The following KHDRBS3 variants were observed in gnomAD, a reference collection of about 807,000 sequenced individuals.
KHDRBS3 encodes KH domain-containing, RNA-binding, signal transduction-associated protein 3.
Under a neutral mutation model 45.6 loss-of-function variants are expected in KHDRBS3, and 23 were observed. The ratio of observed to expected loss-of-function variants is 0.50; its 90% CI spans 0.36 to 0.72. The LOEUF is 0.72. KHDRBS3 is among the 30% of genes least tolerant of loss of function. The probability of loss-of-function intolerance (pLI) is 0.00; values close to 1 mark genes in which losing one functional copy is unlikely to be tolerated. For missense variants in KHDRBS3, 352 were observed against 424.8 expected, an observed-to-expected ratio of 0.83 and a Z score of 1.51; for synonymous variants, 162 against 156.5, an observed-to-expected ratio of 1.04 and a Z score of -0.26.
At chr8:135,656,416 A>G (rs1316854284) in exon 5 of KHDRBS3, 1 of 152,210 alleles carries the variant, frequency 6.6e-6, no homozygotes, top group East Asian at 1.9e-4. Context: ...TAAAAAACGG[A>G]AAGAAAATCT....
chr8:135,571,138 C>T (rs1435478997), intron 5 of KHDRBS3, among the ~76,000 whole-genome samples: 4 of 152,134 alleles, frequency 2.6e-5, no homozygotes, highest in Admixed American at 2.6e-4. Flanking sequence ...TTACATGTCC[C>T]GTGCAACATA....
chr8:135,469,379 G>A (rs924777717), intron 1 of KHDRBS3, among the ~76,000 whole-genome samples: 3 of 152,130 alleles, frequency 2.0e-5, no homozygotes, highest in African/African-American at 7.2e-5. Flanking sequence ...CCGCCTCCCA[G>A]GTTCACGCCA....
intron 6 of KHDRBS3, among the ~76,000 whole-genome samples, chr8:135,589,258 A>G (rs1288701261): frequency 6.6e-6 from 1 of 152,160 alleles, no homozygotes; most frequent in Non-Finnish European, 1.5e-5. Flanking sequence ...TGTATTCTTC[A>G]TACTACTTCC....
intron 2 of KHDRBS3, 89 bp from the exon 3 acceptor site, chr8:135,542,565 G>A: frequency 2.5e-6 from 2 of 809,930 alleles, no homozygotes; most frequent in Non-Finnish European, 4.3e-6. Context: ...TCAATGATGT[G>A]TAGCACACTA....
At chr8:135,477,847 A>G (rs73712038) in intron 1 of KHDRBS3, among the ~76,000 whole-genome samples, 1,913 of 152,306 alleles carry the variant, frequency 0.013, 34 homozygotes, top group African/African-American at 0.044. Context: ...TAAGCCATGG[A>G]TGCTGCAGTT....
intron 4 of KHDRBS3, chr8:135,656,119 A>G (rs1831526360): frequency 6.6e-6 from 1 of 152,212 alleles, no homozygotes. Context: ...ATTTCTATTA[A>G]GTGTCCACTT....
chr8:135,627,314 G>C (rs944022908), intron 7 of KHDRBS3, among the ~76,000 whole-genome samples: 1 of 152,184 alleles, frequency 6.6e-6, no homozygotes, highest in Non-Finnish European at 1.5e-5. Flanking sequence ...GCCAAGCTGA[G>C]GTTCAGGCAG....
intron 6 of KHDRBS3, among the ~76,000 whole-genome samples, chr8:135,595,515 A>C (rs1671999260): frequency 6.6e-6 from 1 of 152,244 alleles, no homozygotes; most frequent in Non-Finnish European, 1.5e-5. Flanking sequence ...CGATAATCTG[A>C]AGGTTACTCA....
intron 1 of KHDRBS3, among the ~76,000 whole-genome samples, chr8:135,486,083 T>TC (rs1368491141): frequency 6.6e-6 from 1 of 151,848 alleles, no homozygotes; most frequent in Non-Finnish European, 1.5e-5. Flanking sequence ...GTATGCCCAG[T>TC]CATGAGGCAC....
At chr8:135,481,219 C>A (rs934732159) in intron 1 of KHDRBS3, among the ~76,000 whole-genome samples, 1 of 64,836 alleles carries the variant, frequency 1.5e-5, no homozygotes, top group East Asian at 4.0e-4. Context: ...TTCATGAAAG[C>A]CACGATATAT....
chr8:135,551,124 T>A (rs894612335), intron 4 of KHDRBS3, among the ~76,000 whole-genome samples: 1 of 152,198 alleles, frequency 6.6e-6, no homozygotes, highest in East Asian at 1.9e-4. Context: ...GGTGTTTTTT[T>A]AATAGAATCA....
At chr8:135,615,823 G>A (rs1006441351) in intron 7 of KHDRBS3, among the ~76,000 whole-genome samples, 2 of 152,176 alleles carry the variant, frequency 1.3e-5, no homozygotes, top group Non-Finnish European at 2.9e-5. Context: ...GGGGTTTGGT[G>A]AATGCTGCAC....
chr8:135,644,995 T>C, intron 7 of KHDRBS3, 64 bp from the exon 8 acceptor site: 2 of 1,534,998 alleles, frequency 1.3e-6, no homozygotes, highest in East Asian at 2.2e-5. Flanking sequence ...CAATACGTTA[T>C]TGAATACTGT....
chr8:135,596,745 C>T (rs1657933893), intron 6 of KHDRBS3, among the ~76,000 whole-genome samples: 2 of 152,140 alleles, frequency 1.3e-5, no homozygotes, highest in Non-Finnish European at 1.5e-5. Context: ...GAAAAATAGA[C>T]ATTTTGTAAC....
chr8:135,627,270 C>T (rs571671334), intron 7 of KHDRBS3, among the ~76,000 whole-genome samples: 1 of 152,332 alleles, frequency 6.6e-6, no homozygotes, highest in South Asian at 2.1e-4. Flanking sequence ...TCCCAAGGCT[C>T]TTCTCATTCA....
At chr8:135,565,047 GA>G (rs1282525133) in intron 5 of KHDRBS3, among the ~76,000 whole-genome samples, 2 of 152,184 alleles carry the variant, frequency 1.3e-5, no homozygotes, top group Admixed American at 1.3e-4. Context: ...TAGGGGCTGC[GA>G]GTCTTGTTCC....
intron 6 of KHDRBS3, among the ~76,000 whole-genome samples, chr8:135,601,552 A>G (rs1438060193): frequency 2.0e-5 from 3 of 152,244 alleles, no homozygotes; most frequent in African/African-American, 7.2e-5. Context: ...TTGCAGAAAA[A>G]TGAGTCTGAC....
intron 7 of KHDRBS3, among the ~76,000 whole-genome samples, chr8:135,627,936 C>T (rs1373122264): frequency 6.6e-6 from 1 of 152,130 alleles, no homozygotes; most frequent in Non-Finnish European, 1.5e-5. Flanking sequence ...ACTTGGCATT[C>T]GGAGTAACTA....
At chr8:135,463,365 G>T (rs1821529029) in intron 1 of KHDRBS3, among the ~76,000 whole-genome samples, 1 of 152,048 alleles carries the variant, frequency 6.6e-6, no homozygotes, top group Non-Finnish European at 1.5e-5. Context: ...TTGGAGGTGG[G>T]GATGAAGTCA....
Sources: allele counts gnomAD v4.1 joint callset (sites outside exome capture counted in the v4.1 genomes callset), GRCh38; gene constraint gnomAD v4.1.1; transcripts MANE v1.5; gene names NCBI Gene and HGNC (gene_info 2026-07-23, HGNC 2026-07-21).